Variants in CEP350 observed in about 807,000 individuals in gnomAD.
The protein encoded by CEP350 is centrosomal protein 350.
Under a neutral mutation model 331.8 loss-of-function variants are expected in CEP350, and 126 were observed. The ratio of observed to expected loss-of-function variants is 0.38; its 90% CI spans 0.33 to 0.44. The LOEUF (loss-of-function observed/expected upper bound fraction) is 0.44. Among genes scored for constraint, CEP350 ranks in the 20% least tolerant of loss-of-function variants. The probability of loss-of-function intolerance (pLI) is 1.00; values close to 1 mark genes in which losing one functional copy is unlikely to be tolerated. For missense variants in CEP350, 3,406 were observed against 3,634.6 expected (o/e 0.94, Z 1.62); for synonymous variants, 1,200 against 1,259.5 (o/e 0.95, Z 1.00).
intron 18 of CEP350, 120 bp from the exon 19 acceptor site, chr1:180,041,542 G>GA: frequency 2.0e-6 from 2 of 985,944 alleles, no homozygotes; most frequent in Admixed American, 3.0e-5. Context: ...ATGAAATCCA[G>GA]ATTGTAGTAA....
At chr1:180,005,133 C>A (rs1349353973) in intron 7 of CEP350, among the ~76,000 whole-genome samples, 1 of 151,322 alleles carries the variant, frequency 6.6e-6, no homozygotes, top group African/African-American at 2.4e-5. Context: ...AGTCTCAGGG[C>A]TTTAAATGTT....
intron 16 of CEP350, 47 bp downstream of exon 16, chr1:180,034,129 T>A: frequency 1.9e-6 from 3 of 1,560,074 alleles, no homozygotes; most frequent in Non-Finnish European, 2.6e-6. Context: ...GATATGAAAT[T>A]TTTTTCTCTC....
chr1:179,965,887 A>G (rs747465833), intron 1 of CEP350, among the ~76,000 whole-genome samples: 24 of 152,116 alleles, frequency 1.6e-4, no homozygotes, highest in Non-Finnish European at 3.1e-4. Flanking sequence ...TGGCCTTCCA[A>G]AGTGCTGGGA....
At chr1:180,108,907 T>C (rs1173592255) in intron 37 of CEP350, among the ~76,000 whole-genome samples, 1 of 152,146 alleles carries the variant, frequency 6.6e-6, no homozygotes, top group Non-Finnish European at 1.5e-5. Context: ...GAATAAATGT[T>C]TACATATCCT....
intron 1 of CEP350, among the ~76,000 whole-genome samples, chr1:179,977,859 C>T (rs913028854): frequency 6.6e-6 from 1 of 151,558 alleles, no homozygotes; most frequent in Non-Finnish European, 1.5e-5. Flanking sequence ...TACAGCTGTA[C>T]AGCAATAGTT....
At chr1:179,995,739 T>C (rs1200877177) in intron 5 of CEP350, among the ~76,000 whole-genome samples, 1 of 152,242 alleles carries the variant, frequency 6.6e-6, no homozygotes. Context: ...ACTTTGGCTT[T>C]GCCCAGCCTT....
intron 26 of CEP350, 39 bp from the exon 27 acceptor site, chr1:180,065,076 A>G (rs369594632): frequency 2.6e-6 from 4 of 1,547,894 alleles, no homozygotes; most frequent in East Asian, 4.6e-5. Flanking sequence ...TCAAGGTCCT[A>G]TTAAAGTCCA....
intron 3 of CEP350, among the ~76,000 whole-genome samples, chr1:179,988,671 CTT>C (rs546396776): frequency 6.9e-6 from 1 of 145,028 alleles, no homozygotes; most frequent in African/African-American, 2.5e-5. Flanking sequence ...AAGGGAAACC[CTT>C]TTTTTTTTTT....
intron 37 of CEP350, among the ~76,000 whole-genome samples, chr1:180,104,977 T>C (rs1354070426): frequency 6.6e-6 from 1 of 152,082 alleles, no homozygotes; most frequent in African/African-American, 2.4e-5. Flanking sequence ...CTAAAATAAC[T>C]CTTTTGTCAT....
intron 7 of CEP350, among the ~76,000 whole-genome samples, chr1:180,005,444 A>G (rs1380691512): frequency 6.6e-6 from 1 of 151,816 alleles, no homozygotes; most frequent in Admixed American, 6.6e-5. Context: ...TGTCTGAAAT[A>G]TACTTAGAAT....
At chr1:180,032,184 G>A (rs1656070782) in intron 15 of CEP350, among the ~76,000 whole-genome samples, 1 of 151,972 alleles carries the variant, frequency 6.6e-6, no homozygotes, top group Non-Finnish European at 1.5e-5. Flanking sequence ...CTACTCATTT[G>A]TCCATATGAC....
chr1:180,041,314 C>T (rs543484679), intron 18 of CEP350, 66 bp downstream of exon 18: 59 of 1,179,166 alleles, frequency 5.0e-5, no homozygotes, highest in Middle Eastern at 2.0e-4. Context: ...ATTACTTTAG[C>T]GTTCTTTTAA....
chr1:180,042,419 A>G (rs1278843294), intron 19 of CEP350, among the ~76,000 whole-genome samples: 1 of 152,240 alleles, frequency 6.6e-6, no homozygotes, highest in East Asian at 1.9e-4. Flanking sequence ...TTTAGCAGTT[A>G]TAATTTTTTT....
At chr1:180,104,924 C>G (rs1426234589) in intron 37 of CEP350, among the ~76,000 whole-genome samples, 3 of 152,112 alleles carry the variant, frequency 2.0e-5, no homozygotes, top group African/African-American at 4.8e-5. Flanking sequence ...ATTTTCTCTA[C>G]TGAATCTTTT....
intron 1 of CEP350, among the ~76,000 whole-genome samples, chr1:179,974,513 A>C (rs929627237): frequency 2.0e-5 from 3 of 152,160 alleles, no homozygotes; most frequent in Admixed American, 6.5e-5. Flanking sequence ...CCTTGTGGGG[A>C]GACTGATACA....
chr1:180,042,275 A>G (rs1042855329), intron 19 of CEP350, among the ~76,000 whole-genome samples: 5 of 152,058 alleles, frequency 3.3e-5, no homozygotes, highest in Admixed American at 2.6e-4. Flanking sequence ...GCTTTGGGTG[A>G]AGATGTTTCA....
chr1:179,988,306 A>G (rs1188482672), intron 3 of CEP350, among the ~76,000 whole-genome samples: 1 of 152,114 alleles, frequency 6.6e-6, no homozygotes, highest in Non-Finnish European at 1.5e-5. Context: ...CAAAAAAAAA[A>G]AAAAAAAATT....
At chr1:180,015,992 A>G (rs371981463) in intron 11 of CEP350, 22 bp downstream of exon 11, 61 of 1,611,054 alleles carry the variant, frequency 3.8e-5, no homozygotes, top group Non-Finnish European at 4.8e-5. Context: ...AGAATGAAAG[A>G]TGATTAAGAT....
Position 180,093,866 on chromosome 1 carries a change from A to G in CEP350, c.7761A>G (p.Arg2587=). ...ATGAAGACTGTTACTCAGATGAACG[A>G]TATCAGTGCTATAATCAAGAGCAAA... The part of the protein sequence containing the change: ...NEDEDCYSDE[R]YQCYNQEQND... The change falls in exon 34 of 38, where the codon CGA becomes CGG. Residue 2587 remains arginine, a synonymous_variant. Coordinates refer to ENST00000367607, the MANE Select transcript of CEP350 (RefSeq NM_014810.5). 3 of 1,613,898 alleles carry G rather than the reference A, an allele frequency of 1.9e-6. No individual in the cohort carries two copies. Among genetic ancestry groups the G allele is most frequent in the South Asian group, 1.1e-5 (1 of 91,074 alleles).
Sources: gnomAD v4.1 joint callset for allele counts (sites outside exome capture counted in the v4.1 genomes callset) on GRCh38, gnomAD v4.1.1 for gene constraint, MANE v1.5 for transcripts, NCBI Gene and HGNC (gene_info 2026-07-23, HGNC 2026-07-21) for gene names.